The following FBXO4 variants were observed in gnomAD, a reference collection of about 807,000 sequenced individuals.
The protein encoded by FBXO4 is F-box protein 4.
Under a neutral mutation model 43.7 loss-of-function variants are expected in FBXO4, and 36 were observed. The observed-to-expected ratio is 0.82, with a 90% CI of 0.63 to 1.09. The LOEUF is 1.09. Ranked by LOEUF, FBXO4 falls within the 50% of genes least tolerant of loss-of-function variation. The probability of loss-of-function intolerance (pLI) is 0.00; values close to 1 mark genes in which losing one functional copy is unlikely to be tolerated. For synonymous variants in FBXO4, 180 were observed against 165.6 expected, an observed-to-expected ratio of 1.09 and a Z score of -0.67; for missense variants, 435 against 474.1, an observed-to-expected ratio of 0.92 and a Z score of 0.77.
At chr5:41,943,628 G>A (rs564267196), downstream of FBXO4, among the ~76,000 whole-genome samples, 1 of 152,032 alleles carries the variant, frequency 6.6e-6, no homozygotes, top group Non-Finnish European at 1.5e-5. Flanking sequence ...GGTATGTTTA[G>A]ATGGTCATAT....
chr5:41,969,150 G>T, the FBXO4 span, among the ~76,000 whole-genome samples: 1 of 152,152 alleles, frequency 6.6e-6, no homozygotes, highest in Admixed American at 6.5e-5. Flanking sequence ...GCAGCCAAGG[G>T]TTGGTGCCCC....
the FBXO4 span, among the ~76,000 whole-genome samples, chr5:42,015,326 T>C: frequency 6.6e-6 from 1 of 152,234 alleles, no homozygotes; most frequent in African/African-American, 2.4e-5. Context: ...CTGACACATT[T>C]CTATTACTTT....
the FBXO4 span, among the ~76,000 whole-genome samples, chr5:42,032,333 A>T: frequency 0.078 from 11,867 of 152,128 alleles, 579 homozygotes; most frequent in African/African-American, 0.13. Context: ...GAGTTCCCCC[A>T]GGTCTTGGGT....
chr5:42,020,214 T>C, the FBXO4 span, among the ~76,000 whole-genome samples: 2 of 152,144 alleles, frequency 1.3e-5, no homozygotes, highest in African/African-American at 2.4e-5. Flanking sequence ...AGAAATTAAA[T>C]ATAACAGCAA....
chr5:41,968,727 T>A, the FBXO4 span, among the ~76,000 whole-genome samples: 2 of 152,188 alleles, frequency 1.3e-5, no homozygotes, highest in African/African-American at 4.8e-5. Flanking sequence ...TTCTGTTACA[T>A]ACCGAAATTT....
chr5:41,985,330 A>C, the FBXO4 span, among the ~76,000 whole-genome samples: 1 of 152,216 alleles, frequency 6.6e-6, no homozygotes, highest in Non-Finnish European at 1.5e-5. Flanking sequence ...ATTTTCAGGC[A>C]ATATGAGTAA....
At chr5:41,982,878 C>T in the FBXO4 span, among the ~76,000 whole-genome samples, 1 of 152,108 alleles carries the variant, frequency 6.6e-6, no homozygotes, top group Non-Finnish European at 1.5e-5. Flanking sequence ...GTCCCCCACC[C>T]CCTCAACAAG....
chr5:42,030,338 C>G, the FBXO4 span, among the ~76,000 whole-genome samples: 383 of 152,112 alleles, frequency 2.5e-3, 1 homozygote, highest in African/African-American at 8.8e-3. Context: ...ACAAACCTGA[C>G]AAAAACAAGA....
At chr5:42,023,406 C>T in the FBXO4 span, among the ~76,000 whole-genome samples, 1 of 151,998 alleles carries the variant, frequency 6.6e-6, no homozygotes, top group Non-Finnish European at 1.5e-5. Flanking sequence ...TCCTCACAAC[C>T]ATCACAGGGT....
downstream of FBXO4, among the ~76,000 whole-genome samples, chr5:41,943,161 T>C (rs561283653): frequency 6.6e-6 from 1 of 152,268 alleles, no homozygotes; most frequent in Admixed American, 6.5e-5. Context: ...GACATTAGAC[T>C]TGGAGTCCGA....
chr5:42,003,059 C>T, the FBXO4 span, among the ~76,000 whole-genome samples: 1 of 152,148 alleles, frequency 6.6e-6, no homozygotes, highest in East Asian at 1.9e-4. Context: ...TGCTTAGAAA[C>T]ATTTTCATAA....
At chr5:41,949,775 G>A in the FBXO4 span, among the ~76,000 whole-genome samples, 1 of 152,122 alleles carries the variant, frequency 6.6e-6, no homozygotes, top group Non-Finnish European at 1.5e-5. Context: ...CAAGCAAAAA[G>A]AACAAAGCTG....
the FBXO4 span, among the ~76,000 whole-genome samples, chr5:41,972,490 A>G: frequency 6.6e-6 from 1 of 152,216 alleles, no homozygotes. Flanking sequence ...AAATGACCAT[A>G]CTGTCCAAAG....
the FBXO4 span, among the ~76,000 whole-genome samples, chr5:42,019,662 C>T: frequency 2.0e-5 from 3 of 149,048 alleles, no homozygotes; most frequent in Non-Finnish European, 4.4e-5. Context: ...CATGGCACTC[C>T]AGCCTGGGTG....
the FBXO4 span, among the ~76,000 whole-genome samples, chr5:42,034,865 T>A: frequency 6.6e-6 from 1 of 152,162 alleles, no homozygotes; most frequent in Admixed American, 6.6e-5. Flanking sequence ...TTTTTCCATG[T>A]GAAATTTAAA....
chr5:42,021,141 T>C, the FBXO4 span, among the ~76,000 whole-genome samples: 5 of 152,230 alleles, frequency 3.3e-5, no homozygotes, highest in East Asian at 9.7e-4. Context: ...TCTGATAACA[T>C]TTTAAAGACT....
chr5:41,951,143 A>C, the FBXO4 span, among the ~76,000 whole-genome samples: 10 of 152,212 alleles, frequency 6.6e-5, no homozygotes, highest in Non-Finnish European at 1.3e-4. Context: ...GCAAACCACC[A>C]TGGCAAGTGT....
At chr5:42,011,945 C>A in the FBXO4 span, among the ~76,000 whole-genome samples, 3 of 152,088 alleles carry the variant, frequency 2.0e-5, no homozygotes, top group South Asian at 2.1e-4. Context: ...AATTAGATAC[C>A]TTTTTGTTCT....
Position 41,926,993 on chromosome 5 carries a change from G to C in FBXO4, c.190-20G>C, listed in dbSNP as rs774597491. 43 of 1,476,906 alleles carry C rather than the reference G, an allele frequency of 2.9e-5. No homozygotes were observed. In the South Asian group the frequency reaches 5.5e-4, roughly 19 times the overall value. The allele number at this position is 1,476,906 out of a possible 1,614,324, so 91.5% of individuals were successfully genotyped here. A position where few individuals can be genotyped will look rare whatever the true frequency, so the allele number is the denominator to read the frequency against. ...TTTTCTTCATTCCTTTTTCCTACCT[G>C]CTGCTTTCTTCTGTTTCAGATTGAT... On this transcript the variant is annotated intron_variant, in intron 1 of 6. Coordinates refer to ENST00000281623, the MANE Select transcript of FBXO4 (RefSeq NM_012176.3).
Sources: gnomAD v4.1 joint callset for allele counts (sites outside exome capture counted in the v4.1 genomes callset) on GRCh38, gnomAD v4.1.1 for gene constraint, MANE v1.5 for transcripts, NCBI Gene and HGNC (gene_info 2026-07-23, HGNC 2026-07-21) for gene names.